The following RBFOX1 variants were observed in gnomAD, a reference collection of about 807,000 sequenced individuals.
The protein encoded by RBFOX1 is RNA binding protein fox-1 homolog 1.
Under a neutral mutation model 57.7 loss-of-function variants are expected in RBFOX1, and 8 were observed. The ratio of observed to expected loss-of-function variants is 0.14; its 90% CI spans 0.08 to 0.25. RBFOX1 has a LOEUF of 0.25. RBFOX1 is among the 10% of genes least tolerant of loss of function. The pLI is 1.00. For missense variants in RBFOX1, 611 were observed against 548.5 expected, an observed-to-expected ratio of 1.11 and a Z score of -1.14; for synonymous variants, 326 against 222.4, an observed-to-expected ratio of 1.47 and a Z score of -4.15.
intron 2 of RBFOX1, among the ~76,000 whole-genome samples, chr16:6,604,375 C>T (rs889409780): frequency 6.6e-6 from 1 of 151,974 alleles, no homozygotes; most frequent in African/African-American, 2.4e-5. Context: ...TAGGGCCTTG[C>T]TTTGTTGCCC....
chr16:6,273,093 C>G (rs2075384734), intron 1 of RBFOX1, among the ~76,000 whole-genome samples: 1 of 151,898 alleles, frequency 6.6e-6, no homozygotes, highest in African/African-American at 2.4e-5. Context: ...AACCCCTTCT[C>G]TACTAAAAAT....
chr16:6,080,674 A>G (rs375387520), intron 1 of RBFOX1, among the ~76,000 whole-genome samples: 2 of 152,210 alleles, frequency 1.3e-5, no homozygotes, highest in Admixed American at 1.3e-4. Context: ...TTTTTAAAAG[A>G]TGTACTCTTC....
intron 3 of RBFOX1, among the ~76,000 whole-genome samples, chr16:6,794,305 A>G (rs1357802475): frequency 1.8e-5 from 2 of 114,092 alleles, no homozygotes; most frequent in Non-Finnish European, 3.8e-5. Context: ...TTTTTTTACA[A>G]TGAAGGCATT....
chr16:6,198,241 C>G (rs552369107), intron 1 of RBFOX1, among the ~76,000 whole-genome samples: 6 of 151,978 alleles, frequency 3.9e-5, no homozygotes, highest in Non-Finnish European at 8.8e-5. Flanking sequence ...AGCGCCAAGA[C>G]AAGGGTATTG....
chr16:7,008,328 G>T (rs1173354835), intron 3 of RBFOX1, among the ~76,000 whole-genome samples: 1 of 152,024 alleles, frequency 6.6e-6, no homozygotes, highest in Non-Finnish European at 1.5e-5. Context: ...GATCACCTGA[G>T]GCCAGGAGTT....
chr16:7,088,911 T>C (rs984929874), intron 4 of RBFOX1, among the ~76,000 whole-genome samples: 4 of 152,218 alleles, frequency 2.6e-5, no homozygotes, highest in African/African-American at 9.6e-5. Context: ...AAATCCTCTT[T>C]ATCCGCTTCC....
At chr16:7,021,892 TTTCTTTTC>T (rs1386370400) in intron 3 of RBFOX1, among the ~76,000 whole-genome samples, 6 of 121,604 alleles carry the variant, frequency 4.9e-5, no homozygotes, top group Non-Finnish European at 9.6e-5. Context: ...TCTTTCTTTC[TTTCTTTTC>T]TTTCTTTCTT....
intron 4 of RBFOX1, among the ~76,000 whole-genome samples, chr16:7,309,311 C>G (rs932428071): frequency 1.8e-4 from 27 of 152,208 alleles, no homozygotes; most frequent in Non-Finnish European, 3.5e-4. Flanking sequence ...CTTTGGGGAA[C>G]CTATGGAGGG....
intron 4 of RBFOX1, among the ~76,000 whole-genome samples, chr16:7,127,999 A>G (rs1567366663): frequency 1.3e-5 from 2 of 152,154 alleles, no homozygotes; most frequent in Admixed American, 6.5e-5. Flanking sequence ...ACACGGTTTG[A>G]AATCTGGTTC....
At position 6,637,489 on chromosome 16, in the gene RBFOX1, ATATT is replaced by A. The variant is rs1398418663; in HGVS notation, c.-63-17113_-63-17110del. Among the ~76,000 whole-genome samples, 4 of 58,590 alleles carry A rather than the reference ATATT, an allele frequency of 6.8e-5. 1 individual carries two copies. In the East Asian group the frequency reaches 2.4e-3, roughly 35 times the overall value. The allele number at this position is 58,590 out of a possible 152,430, so 38.4% of individuals were successfully genotyped here. On this transcript the variant is annotated intron_variant, in intron 2 of 15. Transcript: ENST00000550418. ...TTATATATTATATATAATATCCTAT[ATATT>A]ATATATAATATTCTATATAGTATAT...
intron 1 of RBFOX1, among the ~76,000 whole-genome samples, chr16:6,301,293 G>A (rs1032652997): frequency 1.6e-4 from 24 of 152,310 alleles, no homozygotes; most frequent in African/African-American, 5.5e-4. Flanking sequence ...GCCAAAGAAT[G>A]TAGACTATGG....
At chr16:6,366,085 ATGTGTGTGTGTG>A (rs71145219) in intron 2 of RBFOX1, among the ~76,000 whole-genome samples, 20 of 144,422 alleles carry the variant, frequency 1.4e-4, no homozygotes, top group Admixed American at 6.3e-4. Flanking sequence ...TGGCCATTCT[ATGTGTGTGTGTG>A]TGTGTGTGTG....
chr16:7,098,672 C>T (rs1421455354), intron 4 of RBFOX1, among the ~76,000 whole-genome samples: 1 of 151,888 alleles, frequency 6.6e-6, no homozygotes, highest in Non-Finnish European at 1.5e-5. Flanking sequence ...ATGATCTTGG[C>T]TGGGTGGTGG....
At chr16:6,629,409 A>G (rs551057532) in intron 2 of RBFOX1, among the ~76,000 whole-genome samples, 6 of 152,326 alleles carry the variant, frequency 3.9e-5, no homozygotes, top group South Asian at 2.1e-4. Flanking sequence ...AACAGCTACA[A>G]TTTTTCAAAG....
chr16:6,143,714 G>A (rs2096736167), intron 1 of RBFOX1, among the ~76,000 whole-genome samples: 2 of 151,886 alleles, frequency 1.3e-5, no homozygotes, highest in Non-Finnish European at 2.9e-5. Flanking sequence ...GTGGTGATGT[G>A]GGAAAGCTCA....
chr16:6,613,301 T>G (rs1046165114), intron 2 of RBFOX1, among the ~76,000 whole-genome samples: 1 of 151,974 alleles, frequency 6.6e-6, no homozygotes, highest in Non-Finnish European at 1.5e-5. Flanking sequence ...AGGGTAAACT[T>G]GGGAAGGATG....
rs1028476936 is a variant in RBFOX1, at chr16:7,654,073, A to G, written c.890+126A>G. ...CGCCACCCCCAGAACCGCCCCCAGC[A>G]TGCAGCCCGGCCGCGCACCTGCAGT... On this transcript the variant is annotated intron_variant, in intron 12 of 15. Transcript: ENST00000550418. 45 of 1,013,058 alleles carry G rather than the reference A, an allele frequency of 4.4e-5. 1 individual carries two copies. The highest frequency in any genetic ancestry group is 5.7e-5 in the Non-Finnish European group (41 of 723,002). 62.8% of individuals were successfully genotyped at this position (1,013,058 alleles called of 1,614,324 possible). A position where few individuals can be genotyped will look rare whatever the true frequency, so the allele number is the denominator to read the frequency against.
At chr16:7,018,115 G>C (rs544918272) in intron 3 of RBFOX1, among the ~76,000 whole-genome samples, 16 of 152,044 alleles carry the variant, frequency 1.1e-4, no homozygotes, top group Non-Finnish European at 1.6e-4. Context: ...GAGCATCTAG[G>C]TCTTAGGAAG....
At chr16:6,903,622 A>G (rs1420039107) in intron 3 of RBFOX1, among the ~76,000 whole-genome samples, 4 of 152,138 alleles carry the variant, frequency 2.6e-5, no homozygotes, top group Non-Finnish European at 5.9e-5. Context: ...ACCTGTATAA[A>G]TGCTCCTGGG....
Sources: gnomAD v4.1 joint callset for allele counts (sites outside exome capture counted in the v4.1 genomes callset) on GRCh38, gnomAD v4.1.1 for gene constraint, MANE v1.5 for transcripts, NCBI Gene and HGNC (gene_info 2026-07-23, HGNC 2026-07-21) for gene names.